The following ULK4 variants were observed in gnomAD, a reference collection of about 807,000 sequenced individuals.
ULK4 encodes the protein unc-51 like kinase 4, also known as inactive serine/threonine-protein kinase ULK4.
Under a neutral mutation model 160.6 loss-of-function variants are expected in ULK4, and 133 were observed. That is an observed-to-expected ratio of 0.83 (90% CI 0.72 to 0.96). The LOEUF is 0.96. Among genes scored for constraint, ULK4 ranks in the 40% least tolerant of loss-of-function variants. The pLI, the probability that ULK4 is intolerant of heterozygous loss-of-function variation, is 0.00. For synonymous variants in ULK4, 534 were observed against 539.8 expected, an observed-to-expected ratio of 0.99 and a Z score of 0.15; for missense variants, 1,580 against 1,499.5, an observed-to-expected ratio of 1.05 and a Z score of -0.89.
intron 2 of ULK4, among the ~76,000 whole-genome samples, chr3:41,944,018 G>C (rs952809129): frequency 5.3e-5 from 8 of 152,256 alleles, no homozygotes; most frequent in African/African-American, 1.9e-4. Flanking sequence ...CGCCCCTCCT[G>C]CCCAGAAAGG....
chr3:41,340,064 G>C (rs1475232903), intron 35 of ULK4, among the ~76,000 whole-genome samples: 1 of 152,182 alleles, frequency 6.6e-6, no homozygotes, highest in Admixed American at 6.5e-5. Flanking sequence ...CTTTAACACT[G>C]TTTCCACTGC....
intron 31 of ULK4, among the ~76,000 whole-genome samples, chr3:41,610,345 T>C (rs1242442814): frequency 6.6e-6 from 1 of 152,170 alleles, no homozygotes; most frequent in African/African-American, 2.4e-5. Flanking sequence ...TATTTTATTA[T>C]AGAAATTTTC....
At chr3:41,294,342 T>C (rs942758067) in intron 35 of ULK4, among the ~76,000 whole-genome samples, 7 of 152,204 alleles carry the variant, frequency 4.6e-5, no homozygotes, top group African/African-American at 1.7e-4. Context: ...AACCTGCTCA[T>C]GCCTTGATCT....
intron 34 of ULK4, among the ~76,000 whole-genome samples, chr3:41,455,013 T>C (rs913891717): frequency 6.6e-6 from 1 of 152,180 alleles, no homozygotes; most frequent in Non-Finnish European, 1.5e-5. Context: ...TGTTGAGCTC[T>C]TTTTGTATAT....
intron 27 of ULK4, among the ~76,000 whole-genome samples, chr3:41,695,360 T>C (rs2036456527): frequency 6.6e-6 from 1 of 152,226 alleles, no homozygotes. Context: ...GCACACTTCG[T>C]GCCCCATCTT....
intron 34 of ULK4, among the ~76,000 whole-genome samples, chr3:41,435,948 A>G (rs2083025880): frequency 2.3e-5 from 1 of 43,264 alleles, no homozygotes; most frequent in Admixed American, 3.8e-4. Context: ...ACTCCGTCTC[A>G]TTCATAAATA....
intron 18 of ULK4, among the ~76,000 whole-genome samples, chr3:41,820,994 C>G (rs538973876): frequency 1.3e-5 from 2 of 152,192 alleles, no homozygotes; most frequent in East Asian, 3.9e-4. Flanking sequence ...TCTTTCCTTC[C>G]CTTATTCTTC....
intron 21 of ULK4, among the ~76,000 whole-genome samples, chr3:41,755,955 A>G (rs2038785141): frequency 6.6e-6 from 1 of 152,212 alleles, no homozygotes; most frequent in Admixed American, 6.5e-5. Flanking sequence ...GGGTCAGAAA[A>G]CACAGATACA....
At chr3:41,881,570 T>G (rs1223207060) in intron 17 of ULK4, among the ~76,000 whole-genome samples, 1 of 152,118 alleles carries the variant, frequency 6.6e-6, no homozygotes, top group African/African-American at 2.4e-5. Context: ...TAAGATGGCA[T>G]CACAAAGGAG....
intron 35 of ULK4, among the ~76,000 whole-genome samples, chr3:41,283,129 TAA>T (rs1161526038): frequency 6.6e-6 from 1 of 152,130 alleles, no homozygotes; most frequent in African/African-American, 2.4e-5. Flanking sequence ...TGGTGATCAT[TAA>T]AAAGTCTCAG....
chr3:41,739,555 T>C (rs751314993), intron 22 of ULK4, among the ~76,000 whole-genome samples: 5 of 151,846 alleles, frequency 3.3e-5, no homozygotes, highest in Non-Finnish European at 5.9e-5. Context: ...TACAGCTTAG[T>C]AGGATGGTCA....
intron 20 of ULK4, among the ~76,000 whole-genome samples, chr3:41,794,982 A>T (rs1295884836): frequency 2.0e-5 from 3 of 152,200 alleles, no homozygotes; most frequent in African/African-American, 7.2e-5. Context: ...GGAACCAAAG[A>T]GGTAGGCAAG....
rs767699535 is a variant in ULK4, at chr3:41,919,707, A to C, written c.643+10T>G. 9.9e-6 allele frequency: 16 copies of C among 1,608,372 alleles called. No homozygotes were observed. Among genetic ancestry groups the C allele is most frequent in the Non-Finnish European group, 1.3e-5 (15 of 1,174,926 alleles). The stretch of plus-strand genomic sequence containing the variant: ...AGCTCTGATTTTATACCTATTCAGG[A>C]AACAATTACCTGAAAACATTTCATA... On this transcript the variant is annotated intron_variant, in intron 6 of 36. Transcript: ENST00000301831.
chr3:41,959,887 C>T (rs371233208), intron 1 of ULK4, among the ~76,000 whole-genome samples: 2 of 152,070 alleles, frequency 1.3e-5, no homozygotes, highest in East Asian at 3.8e-4. Flanking sequence ...GTTACTAAGC[C>T]AGAAAAAATA....
At chr3:41,882,386 T>G in intron 17 of ULK4, 1 of 658,898 alleles carries the variant, frequency 1.5e-6, no homozygotes. Flanking sequence ...GTGGTCGTAG[T>G]ATTCTTTTCT....
At chr3:41,697,641 T>G (rs2036545459) in intron 27 of ULK4, among the ~76,000 whole-genome samples, 1 of 151,770 alleles carries the variant, frequency 6.6e-6, no homozygotes, top group South Asian at 2.1e-4. Context: ...CCATGCCCAG[T>G]TAATTGTTTT....
chr3:41,812,432 T>C (rs543678024), intron 19 of ULK4, among the ~76,000 whole-genome samples: 32 of 152,060 alleles, frequency 2.1e-4, no homozygotes, highest in Non-Finnish European at 3.4e-4. Flanking sequence ...CACACAAAAA[T>C]AGGAAGATCA....
chr3:41,769,890 A>G (rs1236543085), intron 21 of ULK4, among the ~76,000 whole-genome samples: 1 of 152,232 alleles, frequency 6.6e-6, no homozygotes, highest in Non-Finnish European at 1.5e-5. Flanking sequence ...ATCAATATGT[A>G]TAGCCTGGCC....
chr3:41,922,382 G>A (rs1699218944), intron 5 of ULK4, among the ~76,000 whole-genome samples: 1 of 152,104 alleles, frequency 6.6e-6, no homozygotes, highest in African/African-American at 2.4e-5. Context: ...AGCTACTCAG[G>A]AGACTGAGGT....
Sources: gnomAD v4.1 joint callset for allele counts (sites outside exome capture counted in the v4.1 genomes callset) on GRCh38, gnomAD v4.1.1 for gene constraint, MANE v1.5 for transcripts, NCBI Gene and HGNC (gene_info 2026-07-23, HGNC 2026-07-21) for gene names.